The following NOL4 variants were observed in gnomAD, a reference collection of about 807,000 sequenced individuals.
NOL4 encodes the protein cancer/testis antigen 125.
In NOL4, 17 loss-of-function variants were observed where a neutral mutation model predicts 75.9. The ratio of observed to expected loss-of-function variants is 0.22; its 90% CI spans 0.15 to 0.34. The LOEUF is 0.34. NOL4 is among the 10% of genes least tolerant of loss of function. The pLI, the probability that NOL4 is intolerant of heterozygous loss-of-function variation, is 1.00. For missense variants in NOL4, 614 were observed against 793.5 expected, an observed-to-expected ratio of 0.77 and a Z score of 2.72; for synonymous variants, 292 against 289.9, an observed-to-expected ratio of 1.01 and a Z score of -0.07.
intron 1 of NOL4, among the ~76,000 whole-genome samples, chr18:34,163,418 A>G (rs188993871): frequency 0.012 from 1,860 of 152,026 alleles, 24 homozygotes; most frequent in Middle Eastern, 0.024. Flanking sequence ...TCAATGTACA[A>G]AAATCACAAG....
chr18:33,949,052 T>C (rs992178873), intron 8 of NOL4, among the ~76,000 whole-genome samples: 8 of 152,134 alleles, frequency 5.3e-5, no homozygotes, highest in African/African-American at 1.4e-4. Flanking sequence ...TCTGTGAATA[T>C]GCATATGTTT....
intron 1 of NOL4, chr18:34,156,610 T>C (rs1000157166): frequency 2.6e-5 from 4 of 152,050 alleles, no homozygotes; most frequent in African/African-American, 9.7e-5. Flanking sequence ...CAATAGTGAG[T>C]GATAAAGACA....
chr18:34,090,352 A>G (rs1031957538), intron 5 of NOL4, among the ~76,000 whole-genome samples: 1 of 152,164 alleles, frequency 6.6e-6, no homozygotes, highest in Non-Finnish European at 1.5e-5. Context: ...ATTCTAGAAG[A>G]GAAACAGCTA....
intron 6 of NOL4, among the ~76,000 whole-genome samples, chr18:33,987,871 A>T (rs1013709384): frequency 1.3e-5 from 2 of 152,030 alleles, no homozygotes; most frequent in South Asian, 4.1e-4. Flanking sequence ...CTGATGTCCC[A>T]ATGCATACTG....
At chr18:33,915,261 G>A (rs1210658652) in intron 9 of NOL4, among the ~76,000 whole-genome samples, 1 of 152,080 alleles carries the variant, frequency 6.6e-6, no homozygotes, top group Non-Finnish European at 1.5e-5. Flanking sequence ...CGGGGTGGTA[G>A]CAAAAACCTG....
chr18:34,196,055 A>T (rs1412314844), intron 1 of NOL4, among the ~76,000 whole-genome samples: 1 of 152,176 alleles, frequency 6.6e-6, no homozygotes, highest in Non-Finnish European at 1.5e-5. Flanking sequence ...TGACCAAAAA[A>T]AAAGATGATT....
At chr18:34,043,852 T>A (rs878930485) in intron 5 of NOL4, among the ~76,000 whole-genome samples, 1 of 152,064 alleles carries the variant, frequency 6.6e-6, no homozygotes, top group Admixed American at 6.6e-5. Flanking sequence ...TAGGCCTGAA[T>A]AAAAGGCCCA....
intron 2 of NOL4, among the ~76,000 whole-genome samples, chr18:34,105,762 T>G (rs1020080786): frequency 3.9e-5 from 6 of 152,020 alleles, no homozygotes; most frequent in African/African-American, 1.4e-4. Flanking sequence ...TTTATGTCAA[T>G]TTTTTATAAT....
At chr18:33,905,870 T>C (rs769772499) in intron 9 of NOL4, among the ~76,000 whole-genome samples, 16 of 152,166 alleles carry the variant, frequency 1.1e-4, no homozygotes, top group Non-Finnish European at 2.4e-4. Flanking sequence ...TCATCCCTCA[T>C]CAACCCCATC....
chr18:34,171,341 A>G (rs192599023), intron 1 of NOL4, among the ~76,000 whole-genome samples: 1 of 152,266 alleles, frequency 6.6e-6, no homozygotes, highest in East Asian at 1.9e-4. Flanking sequence ...AAGGTAGTAC[A>G]CTTTGTATAA....
chr18:34,200,945 A>G (rs1017806691), intron 1 of NOL4, among the ~76,000 whole-genome samples: 3 of 151,704 alleles, frequency 2.0e-5, no homozygotes, highest in Admixed American at 2.0e-4. Flanking sequence ...TCAGCTTCTG[A>G]CTTAAAAAAG....
intron 9 of NOL4, among the ~76,000 whole-genome samples, chr18:33,905,590 C>A (rs991764634): frequency 6.6e-6 from 1 of 152,144 alleles, no homozygotes; most frequent in African/African-American, 2.4e-5. Context: ...CAGTCTATTG[C>A]CACTTCCACT....
At chr18:34,196,819 T>G (rs1341357002) in intron 1 of NOL4, among the ~76,000 whole-genome samples, 1 of 152,136 alleles carries the variant, frequency 6.6e-6, no homozygotes, top group African/African-American at 2.4e-5. Flanking sequence ...ATAATTGAGT[T>G]TAGTTTTATT....
In NOL4 at chr18:33,994,309, C is replaced by A. The variant is rs534163912; in HGVS notation, c.1056+25009G>T. ...AAACAACATTATACTCCAGCTAGAC[C>A]TAATGGACATTGATAGAACATTCTA... On this transcript the variant is annotated intron_variant, in intron 6 of 10. Transcript: ENST00000261592. Among the ~76,000 whole-genome samples the A allele has an allele frequency of 3.3e-5, 5 of 151,886 alleles. No homozygotes were observed. The East Asian group carries it at 7.7e-4, about 24-fold the overall frequency.
intron 1 of NOL4, among the ~76,000 whole-genome samples, chr18:34,204,555 A>G (rs2035988743): frequency 1.3e-5 from 2 of 152,256 alleles, no homozygotes; most frequent in East Asian, 1.9e-4. Context: ...AGTGAGTAGG[A>G]AAAAAGAATG....
chr18:34,164,149 C>A (rs1034297413), intron 1 of NOL4, among the ~76,000 whole-genome samples: 3 of 152,084 alleles, frequency 2.0e-5, no homozygotes, highest in African/African-American at 7.2e-5. Context: ...TAGAAGAAAA[C>A]CTAGGCATTA....
intron 5 of NOL4, among the ~76,000 whole-genome samples, chr18:34,053,282 A>G (rs2145004890): frequency 6.6e-6 from 1 of 152,080 alleles, no homozygotes; most frequent in South Asian, 2.1e-4. Context: ...CAAGAGCAAA[A>G]GACAAATGAG....
At chr18:33,862,002 C>T (rs1382887027) in intron 10 of NOL4, among the ~76,000 whole-genome samples, 1 of 152,154 alleles carries the variant, frequency 6.6e-6, no homozygotes, top group African/African-American at 2.4e-5. Context: ...AGGCATCATG[C>T]TACCTGACTT....
intron 1 of NOL4, among the ~76,000 whole-genome samples, chr18:34,173,125 G>A (rs1210715277): frequency 1.3e-5 from 2 of 152,012 alleles, no homozygotes; most frequent in Non-Finnish European, 2.9e-5. Context: ...AGGACATTAC[G>A]CTAAACAAAA....
Sources: gnomAD v4.1 joint callset for allele counts (sites outside exome capture counted in the v4.1 genomes callset) on GRCh38, gnomAD v4.1.1 for gene constraint, MANE v1.5 for transcripts, NCBI Gene and HGNC (gene_info 2026-07-23, HGNC 2026-07-21) for gene names.